Variants in FMNL2 observed in about 807,000 individuals in gnomAD.
The protein encoded by FMNL2 is formin like 2, also known as formin-like protein 2.
A neutral mutation model predicts 130.2 loss-of-function variants in FMNL2; 51 were observed. The observed-to-expected ratio is 0.39, with a 90% CI of 0.31 to 0.49. The LOEUF (loss-of-function observed/expected upper bound fraction) is 0.49. FMNL2 is among the 20% of genes least tolerant of loss of function. The pLI is 0.85. For synonymous variants in FMNL2, 465 were observed against 467.1 expected, an observed-to-expected ratio of 1.00 and a Z score of 0.06; for missense variants, 977 against 1,316.2, an observed-to-expected ratio of 0.74 and a Z score of 3.99.
chr2:152,618,928 C>G lies in FMNL2; in HGVS notation c.1397C>G (p.Ser466Cys). 1 of 1,613,974 alleles carries G rather than the reference C, an allele frequency of 6.2e-7. No individual in the cohort carries two copies. Among genetic ancestry groups the G allele is most frequent in the East Asian group, 2.2e-5 (1 of 44,890 alleles). Reference protein sequence around the residue: ...KEKEEAIQRQSTLEKKIHELE... With the variant: ...KEKEEAIQRQCTLEKKIHELE... ...AAAGAAGAAGCAATTCAAAGACAGT[C>G]TACCCTGGAAAAAAAGATTCATGAG... The change falls in exon 14 of 26, where the codon TCT (serine) becomes TGT (cysteine). Residue 466 changes from serine (S) to cysteine (C), a missense_variant. Ser to Cys is a moderately radical substitution (Grantham distance 112). Transcript: ENST00000288670.
At position 152,648,021 on chromosome 2, in the gene FMNL2, T is replaced by G; in HGVS notation, c.*116T>G. The G allele has an allele frequency of 1.1e-6, 1 of 909,116 alleles. No individual in the cohort carries two copies. The highest frequency in any genetic ancestry group is 1.7e-6 in the Non-Finnish European group (1 of 603,166). The allele number at this position is 909,116 out of a possible 1,614,324, so 56.3% of individuals were successfully genotyped here. A position where few individuals can be genotyped will look rare whatever the true frequency, so the allele number is the denominator to read the frequency against. ...CACACACAAAAATATTCTTAAGGGC[T>G]CAGATTTAGCAAACACGGAAGAATT... On this transcript the variant is annotated 3_prime_UTR_variant, in exon 26 of 26. Transcript: ENST00000288670.
At chr2:152,627,801 A>AT (rs906998754) in intron 17 of FMNL2, among the ~76,000 whole-genome samples, 2 of 152,174 alleles carry the variant, frequency 1.3e-5, no homozygotes, top group African/African-American at 2.4e-5. Flanking sequence ...ATTTGGATGC[A>AT]TTTTTTTCCA....
In FMNL2 at chr2:152,636,072, G is replaced by A. The variant is rs146038883; in HGVS notation, c.2681-355G>A. On this transcript the variant is annotated intron_variant, in intron 21 of 25. Transcript: ENST00000288670. ...GCCCACCCATAGGCTATTCTTGTAA[G>A]AGAAATGGAATAGTTTTGTGCAAGT... Among the ~76,000 whole-genome samples, 47 of 152,300 alleles carry A rather than the reference G, an allele frequency of 3.1e-4. 1 individual carries two copies. The East Asian group carries it at 8.5e-3, about 28-fold the overall frequency.
chr2:152,643,739 C>T, intron 25 of FMNL2: 1 of 985,444 alleles, frequency 1.0e-6, no homozygotes, highest in Non-Finnish European at 1.2e-6. Flanking sequence ...ATTGCTGTAA[C>T]AGTCTGGGTG....
chr2:152,461,634 G>A (rs946924416), intron 1 of FMNL2, among the ~76,000 whole-genome samples: 1 of 152,144 alleles, frequency 6.6e-6, no homozygotes, highest in African/African-American at 2.4e-5. Flanking sequence ...TATTTCAAAT[G>A]CCAATAGCCT....
At chr2:152,553,221 C>T (rs940583280) in intron 4 of FMNL2, among the ~76,000 whole-genome samples, 1 of 152,170 alleles carries the variant, frequency 6.6e-6, no homozygotes, top group Admixed American at 6.5e-5. Context: ...AACATGCATA[C>T]AACACGTATG....
At chr2:152,469,887 G>A (rs904302455) in intron 1 of FMNL2, among the ~76,000 whole-genome samples, 6 of 152,110 alleles carry the variant, frequency 3.9e-5, no homozygotes, top group East Asian at 3.9e-4. Flanking sequence ...ATGGTGTGCC[G>A]TATTTGGCTG....
chr2:152,590,011 A>ATGTATG, intron 9 of FMNL2, among the ~76,000 whole-genome samples: 1 of 118,350 alleles, frequency 8.4e-6, no homozygotes, highest in Non-Finnish European at 1.8e-5. Flanking sequence ...ATATATATAC[A>ATGTATG]TATACATATA....
In FMNL2 at chr2:152,542,767, A is replaced by G; in HGVS notation, c.230A>G (p.His77Arg). 1 of 1,614,088 alleles carries G rather than the reference A, an allele frequency of 6.2e-7. No homozygotes were observed. Among genetic ancestry groups the G allele is most frequent in the Non-Finnish European group, 8.5e-7 (1 of 1,179,944 alleles). The stretch of plus-strand genomic sequence containing the variant: ...CGATTCCAGGTGAAGAATCCTCCCC[A>G]TACATACATTCAAAAGCTCAAAGGC... ...QERFQVKNPPHTYIQKLKGYL... is the reference protein window; with the variant it reads ...QERFQVKNPPRTYIQKLKGYL... The change falls in exon 3 of 26, where the codon CAT (histidine) becomes CGT (arginine). Residue 77 changes from histidine to arginine, a missense_variant. Transcript: ENST00000288670.
chr2:152,619,558 T>TCCC lies in FMNL2; in HGVS notation c.1679_1680insCCC (p.Pro573dup). 2 of 481,594 alleles carry TCCC rather than the reference T, an allele frequency of 4.2e-6. No homozygotes were observed. The highest frequency in any genetic ancestry group is 2.5e-5 in the South Asian group (1 of 39,726). The allele number at this position is 481,594 out of a possible 1,614,324, so 29.8% of individuals were successfully genotyped here. On this transcript the variant is annotated inframe_insertion, in exon 15 of 26. Transcript: ENST00000288670. ...CTATGCCACCGCCGCCGCCGCCCCCTCCTCCACCTCCTCCTCCCCCACCGC... is the reference window on the plus strand; with the variant it reads ...CTATGCCACCGCCGCCGCCGCCCCCTCCCCCTCCACCTCCTCCTCCCCCACCGC...
intron 6 of FMNL2, among the ~76,000 whole-genome samples, chr2:152,563,766 G>C (rs900740841): frequency 6.6e-6 from 1 of 151,754 alleles, no homozygotes; most frequent in South Asian, 2.1e-4. Flanking sequence ...TCATCCTGCT[G>C]TCTCCTTCTT....
In FMNL2 at chr2:152,626,725, T is replaced by C. The variant is rs368512957; in HGVS notation, c.2163T>C (p.His721=). 53 of 1,605,490 alleles carry C rather than the reference T, an allele frequency of 3.3e-5. No individual in the cohort carries two copies. In the African/African-American group the frequency reaches 5.9e-4, roughly 18 times the overall value. ...CTGATGAAATATGTAAAGCTATTCATGTGTAAGTTCAGGAAAATTATATTC... is the reference window on the plus strand; with the variant it reads ...CTGATGAAATATGTAAAGCTATTCACGTGTAAGTTCAGGAAAATTATATTC... ...KTADEICKAI[H]VFDLKTLPVD... is the part of the protein sequence containing the mutation. The change falls in exon 17 of 26, where the codon CAT becomes CAC. Residue 721 remains histidine (H), a splice_region_variant and synonymous_variant. Transcript: ENST00000288670.
At chr2:152,362,406 G>A (rs956737983) in intron 1 of FMNL2, among the ~76,000 whole-genome samples, 4 of 152,050 alleles carry the variant, frequency 2.6e-5, no homozygotes, top group African/African-American at 7.2e-5. Context: ...CACTTTCTTC[G>A]CTGGGCTTCA....
chr2:152,550,599 G>T (rs779914899), intron 4 of FMNL2, among the ~76,000 whole-genome samples: 5 of 152,156 alleles, frequency 3.3e-5, no homozygotes, highest in Admixed American at 2.6e-4. Context: ...GCTGGCAGCC[G>T]TTTCCCTGAA....
At chr2:152,351,428 A>G (rs189670362) in intron 1 of FMNL2, among the ~76,000 whole-genome samples, 66 of 151,902 alleles carry the variant, frequency 4.3e-4, no homozygotes, top group African/African-American at 1.5e-3. Flanking sequence ...TTCAACCCCC[A>G]CTTATGAGTG....
chr2:152,476,762 C>A (rs1351877828), intron 1 of FMNL2, among the ~76,000 whole-genome samples: 1 of 151,454 alleles, frequency 6.6e-6, no homozygotes, highest in Non-Finnish European at 1.5e-5. Context: ...CCATAGTGGG[C>A]GGAACACCTT....
chr2:152,438,289 A>C (rs1687876798), intron 1 of FMNL2, among the ~76,000 whole-genome samples: 1 of 152,332 alleles, frequency 6.6e-6, no homozygotes, highest in African/African-American at 2.4e-5. Context: ...TCATTCCAGA[A>C]TCAAAATCAA....
rs1559041247 is a variant in FMNL2, at chr2:152,648,143, G to T, written c.*238G>T. 3 of 460,582 alleles carry T rather than the reference G, an allele frequency of 6.5e-6. No homozygotes were observed. Among genetic ancestry groups the T allele is most frequent in the African/African-American group, 2.0e-5 (1 of 48,966 alleles). The allele number at this position is 460,582 out of a possible 1,614,324, so 28.5% of individuals were successfully genotyped here. A position where few individuals can be genotyped will look rare whatever the true frequency, so the allele number is the denominator to read the frequency against. ...AAGCAATAGGATTTGATTTGATTAG[G>T]TATCTTTTTACACCAGTATGTTATT... On this transcript the variant is annotated 3_prime_UTR_variant, in exon 26 of 26. Coordinates refer to ENST00000288670, the MANE Select transcript of FMNL2 (RefSeq NM_052905.4).
intron 6 of FMNL2, among the ~76,000 whole-genome samples, chr2:152,569,239 C>A (rs1396682128): frequency 6.6e-6 from 1 of 151,934 alleles, no homozygotes; most frequent in African/African-American, 2.4e-5. Context: ...AAGAGAAATT[C>A]CTGATCTGTG....
Sources: gnomAD v4.1 joint callset for allele counts (sites outside exome capture counted in the v4.1 genomes callset) on GRCh38, gnomAD v4.1.1 for gene constraint, MANE v1.5 for transcripts, NCBI Gene and HGNC (gene_info 2026-07-23, HGNC 2026-07-21) for gene names.